ARL15: variants seen among roughly 807,000 people sequenced by gnomAD.
ARL15 encodes the protein ADP-ribosylation factor-like protein 15.
ARL15 carries 19 observed loss-of-function variants against 25.2 expected under a neutral mutation model. The observed-to-expected ratio is 0.75, with a 90% CI of 0.53 to 1.10. ARL15 has a LOEUF of 1.10. ARL15 is among the 50% of genes least tolerant of loss of function. The pLI, the probability that ARL15 is intolerant of heterozygous loss-of-function variation, is 0.00. For missense variants in ARL15, 220 were observed against 246.0 expected, an observed-to-expected ratio of 0.89 and a Z score of 0.71; for synonymous variants, 94 against 86.8, an observed-to-expected ratio of 1.08 and a Z score of -0.46.
At chr5:53,910,017 T>C (rs1288363879) in intron 4 of ARL15, among the ~76,000 whole-genome samples, 3 of 152,230 alleles carry the variant, frequency 2.0e-5, no homozygotes, top group African/African-American at 7.2e-5. Context: ...ATTTAAATTT[T>C]AAGTCAATAA....
chr5:53,915,385 T>C (rs1745607421), intron 4 of ARL15, among the ~76,000 whole-genome samples: 1 of 152,136 alleles, frequency 6.6e-6, no homozygotes, highest in Admixed American at 6.5e-5. Flanking sequence ...AAAAAGATAA[T>C]AATTATAACA....
chr5:54,021,867 C>T (rs1749613638), intron 4 of ARL15, among the ~76,000 whole-genome samples: 1 of 151,978 alleles, frequency 6.6e-6, no homozygotes, highest in East Asian at 1.9e-4. Context: ...AAAATAAAGA[C>T]AAAGAAAAAG....
intron 4 of ARL15, among the ~76,000 whole-genome samples, chr5:54,021,639 T>A (rs947672504): frequency 1.3e-5 from 2 of 152,106 alleles, no homozygotes. Context: ...TGTGGGACCA[T>A]AATCGAAGAT....
chr5:54,057,685 A>G (rs1382277125), intron 4 of ARL15, among the ~76,000 whole-genome samples: 3 of 152,100 alleles, frequency 2.0e-5, no homozygotes, highest in Admixed American at 1.3e-4. Context: ...CTACAAAAAA[A>G]TATTTAAAAA....
intron 4 of ARL15, among the ~76,000 whole-genome samples, chr5:53,973,925 A>G (rs1747839926): frequency 6.6e-6 from 1 of 152,116 alleles, no homozygotes; most frequent in Non-Finnish European, 1.5e-5. Flanking sequence ...GGCATATAAT[A>G]AAGTCTTTAA....
intron 4 of ARL15, among the ~76,000 whole-genome samples, chr5:54,096,577 AT>A (rs1283882519): frequency 6.6e-6 from 1 of 151,950 alleles, no homozygotes; most frequent in Non-Finnish European, 1.5e-5. Context: ...CACCCAGCTA[AT>A]TTTTGTATTT....
chr5:54,234,365 AC>A (rs1168436473), intron 1 of ARL15, among the ~76,000 whole-genome samples: 1 of 152,144 alleles, frequency 6.6e-6, no homozygotes, highest in Non-Finnish European at 1.5e-5. Flanking sequence ...AAATATCAAT[AC>A]CCACATTAAT....
intron 4 of ARL15, among the ~76,000 whole-genome samples, chr5:53,914,246 T>C (rs185030891): frequency 1.8e-4 from 28 of 152,054 alleles, no homozygotes; most frequent in Admixed American, 9.8e-4. Flanking sequence ...CTTGGTGGTA[T>C]AGCAGTCTAT....
In ARL15 at chr5:54,142,665, G is replaced by A. The variant is rs192111832; in HGVS notation, c.253+11915C>T. Among the ~76,000 whole-genome samples, 249 of 152,146 alleles carry A rather than the reference G, an allele frequency of 1.6e-3. 2 individuals carry two copies. The highest frequency in any genetic ancestry group is 8.1e-3 in the Admixed American group (124 of 15,280). ...CGAAATGACTGTGGTTCCGGGAGTT[G>A]TTAGGAGGCCAACGTGTTCCATGCT... is the stretch of plus-strand genomic sequence containing the variant. On this transcript the variant is annotated intron_variant, in intron 3 of 4. Transcript: ENST00000504924.
At chr5:54,149,939 C>T (rs1388252845) in intron 3 of ARL15, among the ~76,000 whole-genome samples, 1 of 152,138 alleles carries the variant, frequency 6.6e-6, no homozygotes, top group African/African-American at 2.4e-5. Flanking sequence ...TATAAAATGT[C>T]CTGCGTAGGA....
chr5:54,156,527 C>T, intron 2 of ARL15, among the ~76,000 whole-genome samples: 1 of 152,242 alleles, frequency 6.6e-6, no homozygotes, highest in South Asian at 2.1e-4. Flanking sequence ...TTTCTGCCTG[C>T]CTGAATATAA....
chr5:54,238,615 T>A (rs191338918), intron 1 of ARL15, among the ~76,000 whole-genome samples: 8 of 152,314 alleles, frequency 5.3e-5, no homozygotes, highest in Admixed American at 5.2e-4. Flanking sequence ...GCTGACTCAA[T>A]AACCTGACTT....
At chr5:54,198,033 A>C (rs1755603665) in intron 1 of ARL15, among the ~76,000 whole-genome samples, 1 of 152,020 alleles carries the variant, frequency 6.6e-6, no homozygotes, top group Non-Finnish European at 1.5e-5. Context: ...AAACAGAACC[A>C]AAGACAAAAA....
intron 4 of ARL15, chr5:53,951,381 A>C: frequency 1.0e-5 from 4 of 401,522 alleles, no homozygotes; most frequent in South Asian, 7.6e-5. Context: ...GAATACAAAA[A>C]TCATATACTT....
At chr5:54,266,967 C>T (rs950222173) in intron 1 of ARL15, among the ~76,000 whole-genome samples, 1 of 152,166 alleles carries the variant, frequency 6.6e-6, no homozygotes, top group African/African-American at 2.4e-5. Flanking sequence ...CCATATATTC[C>T]CTGTATCTGT....
At chr5:53,892,161 T>C (rs1210086950) in intron 4 of ARL15, among the ~76,000 whole-genome samples, 8 of 152,230 alleles carry the variant, frequency 5.3e-5, no homozygotes, top group Non-Finnish European at 1.0e-4. Flanking sequence ...TTAGACTAGT[T>C]CTTAAATCAC....
At chr5:53,996,481 C>T (rs548560630) in intron 4 of ARL15, among the ~76,000 whole-genome samples, 11 of 152,036 alleles carry the variant, frequency 7.2e-5, no homozygotes, top group Admixed American at 5.2e-4. Context: ...TAGCTGGGCA[C>T]GGTGGTGCAC....
chr5:53,984,720 GTTAAT>G (rs1036973676), intron 4 of ARL15, among the ~76,000 whole-genome samples: 32 of 151,992 alleles, frequency 2.1e-4, no homozygotes, highest in African/African-American at 7.5e-4. Flanking sequence ...TTCCCCTTGT[GTTAAT>G]TTATATTTTT....
chr5:54,099,424 T>C (rs1440629921), intron 4 of ARL15, among the ~76,000 whole-genome samples: 1 of 152,094 alleles, frequency 6.6e-6, no homozygotes, highest in Admixed American at 6.5e-5. Flanking sequence ...ACCACATATA[T>C]GAATGAAAGT....
Sources: gnomAD v4.1 joint callset for allele counts (sites outside exome capture counted in the v4.1 genomes callset) on GRCh38, gnomAD v4.1.1 for gene constraint, MANE v1.5 for transcripts, NCBI Gene and HGNC (gene_info 2026-07-23, HGNC 2026-07-21) for gene names.